The following TYW5 variants were observed in gnomAD, a reference collection of about 807,000 sequenced individuals.
TYW5 encodes the protein tRNA wybutosine-synthesizing protein 5.
Under a neutral mutation model 44.4 loss-of-function variants are expected in TYW5, and 36 were observed. The ratio of observed to expected loss-of-function variants is 0.81; its 90% confidence interval spans 0.62 to 1.07. The LOEUF (loss-of-function observed/expected upper bound fraction) is 1.07, where lower values mean the gene tolerates loss of function less well. Ranked by LOEUF, TYW5 falls within the 50% of genes least tolerant of loss-of-function variation. The pLI, the probability that TYW5 is intolerant of heterozygous loss-of-function variation, is 0.00. For synonymous variants in TYW5, 121 were observed against 128.1 expected (o/e 0.94, Z 0.37); for missense variants, 354 against 365.7 (o/e 0.97, Z 0.26).
In TYW5 at chr2:199,955,449, C is replaced by A. The variant is rs777990401; in HGVS notation, c.22G>T (p.Val8Leu). 6.2e-7 allele frequency: 1 copy of A among 1,613,786 alleles called. No individual in the cohort carries two copies. Among genetic ancestry groups the A allele is most frequent in the Admixed American group, 1.7e-5 (1 of 59,992 alleles). Residue 8 changes from valine (V) to leucine (L), a missense_variant, in exon 1 of 8, where the codon GTA becomes TTA. Transcript: ENST00000354611. Reference protein sequence around the residue: MAGQHLPVPRLEGVSREQ... With the variant: MAGQHLPLPRLEGVSREQ... Reference sequence around the variant, plus strand: ...CGAGAAACGCCCTCCAGCCGGGGTACCGGGAGGTGCTGCCCGGCCATGGTT... The same window carrying A: ...CGAGAAACGCCCTCCAGCCGGGGTAACGGGAGGTGCTGCCCGGCCATGGTT...
chr2:199,938,924 G>A lies in TYW5; in HGVS notation c.486+9C>T, dbSNP rs751053785. 5 of 1,589,516 alleles carry A rather than the reference G, an allele frequency of 3.1e-6. No homozygotes were observed. In the Admixed American group the frequency reaches 7.6e-5, roughly 24 times the overall value. On this transcript the variant is annotated intron_variant, in intron 5 of 7. Transcript: ENST00000354611. ...TTGTAGCTTTAAATTTCTCATTTAT[G>A]TAGCATACATCATAATGAGTCCATA... is the stretch of plus-strand genomic sequence containing the variant.
At chr2:199,948,600 G>A (rs1324561110) in intron 1 of TYW5, 128 bp from the exon 2 acceptor site, 32 of 826,754 alleles carry the variant, frequency 3.9e-5, no homozygotes, top group Non-Finnish European at 6.0e-5. Context: ...TGAACTCAAA[G>A]CTTCTGACAG....
At chr2:199,943,652 G>C in intron 3 of TYW5, 113 bp downstream of exon 3, 2 of 819,276 alleles carry the variant, frequency 2.4e-6, no homozygotes, top group East Asian at 2.8e-5. Flanking sequence ...CAAATCTTAC[G>C]AATGTCTATC....
At chr2:199,948,197 G>T in intron 2 of TYW5, 121 bp downstream of exon 2, 1 of 960,412 alleles carries the variant, frequency 1.0e-6, no homozygotes, top group Non-Finnish European at 1.5e-6. Flanking sequence ...GCTATTCCAT[G>T]ATTACATCAA....
intron 5 of TYW5, 147 bp from the exon 6 acceptor site, chr2:199,936,639 A>G: frequency 1.6e-6 from 1 of 623,904 alleles, no homozygotes; most frequent in Non-Finnish European, 2.8e-6. Context: ...CAATAAAAAC[A>G]TTTGTATTCC....
Position 199,939,020 on chromosome 2 carries a change from CTT to C in TYW5, c.397_398del (p.Lys133ValfsTer18), listed in dbSNP as rs759407962. ...GTTCCTCTTTGAAGAATTCTGGAAA[CTT>C]AATATCTCCTTTCAACAAAGGAAAC... ...KQFPLLKGDI[K>X]FPEFFKEEQF... On this transcript the variant is annotated frameshift_variant, in exon 5 of 8. Transcript: ENST00000354611. LOFTEE classifies it high-confidence loss of function. 1.2e-6 allele frequency: 2 copies of C among 1,613,368 alleles called. No individual in the cohort carries two copies. The highest frequency in any genetic ancestry group is 1.3e-5 in the African/African-American group (1 of 74,982).
intron 1 of TYW5, 46 bp downstream of exon 1, chr2:199,955,347 G>A (rs770647246): frequency 1.3e-6 from 2 of 1,598,662 alleles, no homozygotes; most frequent in Non-Finnish European, 1.7e-6. Flanking sequence ...GTAAAGACGT[G>A]TCTCTCGCTG....
In TYW5 at chr2:199,955,451, G is replaced by C; in HGVS notation, c.20C>G (p.Pro7Arg). ...AGAAACGCCCTCCAGCCGGGGTACC[G>C]GGAGGTGCTGCCCGGCCATGGTTGC... Reference protein sequence around the residue: MAGQHLPVPRLEGVSRE... With the variant: MAGQHLRVPRLEGVSRE... Residue 7 changes from proline to arginine, a missense_variant, in exon 1 of 8, where the codon CCG (proline) becomes CGG (arginine). Coordinates refer to ENST00000354611, the MANE Select transcript of TYW5 (RefSeq NM_001039693.3). The C allele has an allele frequency of 1.2e-6, 2 of 1,613,806 alleles. No individual in the cohort carries two copies. Among genetic ancestry groups the C allele is most frequent in the East Asian group, 4.5e-5 (2 of 44,860 alleles).
intron 1 of TYW5, among the ~76,000 whole-genome samples, chr2:199,949,581 T>C (rs1260007000): frequency 6.6e-6 from 1 of 152,210 alleles, no homozygotes; most frequent in Non-Finnish European, 1.5e-5. Flanking sequence ...GACTTTGACA[T>C]TTTGGAAGAG....
At chr2:199,935,785 C>CA in intron 7 of TYW5, 146 bp downstream of exon 7, 1 of 601,178 alleles carries the variant, frequency 1.7e-6, no homozygotes. Flanking sequence ...CACGCACACA[C>CA]AGAGTTTTGT....
intron 5 of TYW5, among the ~76,000 whole-genome samples, chr2:199,937,327 A>G (rs1446660482): frequency 1.3e-5 from 2 of 152,014 alleles, no homozygotes; most frequent in Admixed American, 1.3e-4. Context: ...ATTACATTCT[A>G]TTATAATTCA....
In TYW5 at chr2:199,933,044, G is replaced by A. The variant is rs199718261; in HGVS notation, c.*23C>T. ...CGTTATACCTTACTAAAGTGTTAAT[G>A]TGCATTGCATTCACTTCATTATTTA... On this transcript the variant is annotated 3_prime_UTR_variant, in exon 8 of 8. Coordinates refer to ENST00000354611, the MANE Select transcript of TYW5 (RefSeq NM_001039693.3). The A allele has an allele frequency of 5.6e-6, 9 of 1,609,314 alleles. No individual in the cohort carries two copies. In the Admixed American group the frequency reaches 1.4e-4, roughly 24 times the overall value.
chr2:199,946,370 A>G (rs1287149071), intron 2 of TYW5: 1 of 152,214 alleles, frequency 6.6e-6, no homozygotes, highest in Non-Finnish European at 1.5e-5. Flanking sequence ...AGGCTGCTTT[A>G]CAAAATCAAG....
Position 199,955,472 on chromosome 2 carries a change from G to C in TYW5, c.-2C>G. 6.2e-7 allele frequency: 1 copy of C among 1,613,640 alleles called. No individual in the cohort carries two copies. The highest frequency in any genetic ancestry group is 8.5e-7 in the Non-Finnish European group (1 of 1,179,892). Reference sequence around the variant, plus strand: ...TACCGGGAGGTGCTGCCCGGCCATGGTTGCTCACGCCTGCCCTCTTCCAGG... The same window carrying C: ...TACCGGGAGGTGCTGCCCGGCCATGCTTGCTCACGCCTGCCCTCTTCCAGG... On this transcript the variant is annotated 5_prime_UTR_variant, in exon 1 of 8. Coordinates refer to ENST00000354611, the MANE Select transcript of TYW5 (RefSeq NM_001039693.3).
Position 199,932,275 on chromosome 2 carries a change from A to AT in TYW5, c.*791dup, listed in dbSNP as rs1352753091. On this transcript the variant is annotated 3_prime_UTR_variant, in exon 8 of 8. Transcript: ENST00000354611. ...AAAGTTGGGACCTAGGTATCTGTAC[A>AT]TTTTTTAAAGTTCCTCAAAAAATTC... is the stretch of plus-strand genomic sequence containing the variant. The AT allele has an allele frequency of 6.6e-6, 1 of 152,164 alleles. No individual in the cohort carries two copies. Among genetic ancestry groups the AT allele is most frequent in the Non-Finnish European group, 1.5e-5 (1 of 68,018 alleles). The allele number at this position is 152,164 out of a possible 1,614,324, so 9.4% of individuals were successfully genotyped here.
intron 2 of TYW5, chr2:199,945,616 G>T (rs971790181): frequency 6.6e-6 from 1 of 152,168 alleles, no homozygotes; most frequent in African/African-American, 2.4e-5. Context: ...AAGCATCTTT[G>T]AAGAGTCTGG....
chr2:199,953,889 A>C (rs1027128909), intron 1 of TYW5, among the ~76,000 whole-genome samples: 1 of 152,166 alleles, frequency 6.6e-6, no homozygotes, highest in Non-Finnish European at 1.5e-5. Context: ...ACCTTTTGCT[A>C]TGACTCTTAC....
intron 5 of TYW5, among the ~76,000 whole-genome samples, chr2:199,937,506 TAAA>T (rs879407692): frequency 8.6e-4 from 119 of 138,852 alleles, no homozygotes; most frequent in Non-Finnish European, 6.8e-4. Context: ...ATACTAAAAA[TAAA>T]AAAAAAAAAA....
intron 3 of TYW5, among the ~76,000 whole-genome samples, chr2:199,941,311 G>A (rs1027915596): frequency 5.3e-5 from 8 of 152,272 alleles, no homozygotes; most frequent in Admixed American, 4.6e-4. Context: ...AGAGTGCTGG[G>A]ATTATAAGCA....
Sources: allele counts gnomAD v4.1 joint callset (sites outside exome capture counted in the v4.1 genomes callset), GRCh38; gene constraint gnomAD v4.1.1; transcripts MANE v1.5; gene names NCBI Gene and HGNC (gene_info 2026-07-23, HGNC 2026-07-21).